Variants in SYT9 observed in about 807,000 individuals in gnomAD.
SYT9 encodes synaptotagmin-9.
In SYT9, 22 loss-of-function variants were observed where a neutral mutation model predicts 48.4. That is an observed-to-expected ratio of 0.45 (90% CI 0.32 to 0.65). SYT9 has a LOEUF of 0.65. Ranked by LOEUF, SYT9 falls within the 30% of genes least tolerant of loss-of-function variation. The pLI is 0.03. For missense variants in SYT9, 577 were observed against 622.0 expected (o/e 0.93, Z 0.77); for synonymous variants, 265 against 245.0 (o/e 1.08, Z -0.76).
chr11:7,252,458 A>C lies in SYT9; in HGVS notation c.145+127A>C. On this transcript the variant is annotated intron_variant, in intron 1 of 6. Coordinates refer to ENST00000318881, the MANE Select transcript of SYT9 (RefSeq NM_175733.4). The surrounding 1 kb of genome is among the most constrained non-coding windows in gnomAD (Gnocchi z 6.3). The stretch of plus-strand genomic sequence containing the variant: ...GGCGGGGGGCGGCCACCGAGCCAGG[A>C]GAGTGATCAAGAACCAGCGCACTGT... The C allele has an allele frequency of 9.5e-7, 1 of 1,050,324 alleles. No individual in the cohort carries two copies. Among genetic ancestry groups the C allele is most frequent in the East Asian group, 3.3e-5 (1 of 30,634 alleles). 65.1% of individuals were successfully genotyped at this position (1,050,324 alleles called of 1,614,324 possible).
At chr11:7,347,283 G>A (rs990115308) in intron 3 of SYT9, among the ~76,000 whole-genome samples, 2 of 151,836 alleles carry the variant, frequency 1.3e-5, no homozygotes, top group South Asian at 4.1e-4. Flanking sequence ...CCAGGCTGGA[G>A]TGCGATGGCA....
At chr11:7,453,443 T>C (rs1406789476) in intron 6 of SYT9, among the ~76,000 whole-genome samples, 3 of 152,272 alleles carry the variant, frequency 2.0e-5, no homozygotes, top group Non-Finnish European at 4.4e-5. Context: ...AGCCCCGCCA[T>C]ATGCCACATG....
intron 3 of SYT9, among the ~76,000 whole-genome samples, chr11:7,341,500 C>T (rs1315333664): frequency 6.6e-6 from 1 of 152,166 alleles, no homozygotes; most frequent in African/African-American, 2.4e-5. Flanking sequence ...CGTTCTCTTA[C>T]CTGCTGCCAT....
intron 3 of SYT9, among the ~76,000 whole-genome samples, chr11:7,334,322 T>TA (rs1374188171): frequency 1.3e-5 from 2 of 152,106 alleles, no homozygotes; most frequent in South Asian, 2.1e-4. Context: ...TTTACTTTTT[T>TA]AAAAAATCAC....
At chr11:7,315,627 T>C (rs1849229461) in intron 3 of SYT9, among the ~76,000 whole-genome samples, 1 of 152,192 alleles carries the variant, frequency 6.6e-6, no homozygotes, top group Non-Finnish European at 1.5e-5. Context: ...AGAGACTTTG[T>C]GGTGAGAGCA....
chr11:7,465,086 C>T (rs1275920916), intron 6 of SYT9, among the ~76,000 whole-genome samples: 1 of 151,208 alleles, frequency 6.6e-6, no homozygotes, highest in Non-Finnish European at 1.5e-5. Flanking sequence ...GACTCCATCT[C>T]AAAAAAAACG....
At chr11:7,261,815 G>T (rs1411827187) in intron 1 of SYT9, among the ~76,000 whole-genome samples, 3 of 152,090 alleles carry the variant, frequency 2.0e-5, no homozygotes, top group African/African-American at 2.4e-5. Flanking sequence ...AGTGAGGTTG[G>T]CAAAAAGAGA....
chr11:7,264,450 C>A (rs923299125), intron 1 of SYT9, among the ~76,000 whole-genome samples: 1 of 151,748 alleles, frequency 6.6e-6, no homozygotes, highest in African/African-American at 2.4e-5. Context: ...GAAAGAGTAG[C>A]AAAAGAGTTG....
In SYT9 at chr11:7,264,417, G is replaced by A. The variant is rs965331828; in HGVS notation, c.145+12086G>A. 3.3e-5 allele frequency among the ~76,000 whole-genome samples: 5 copies of A among 152,006 alleles called. No homozygotes were observed. The East Asian group carries it at 5.8e-4, about 18-fold the overall frequency. ...AGAGAGGGAAGTTTGTGTTTAAGCC[G>A]GGGTTGTGTGTATGAGAACAAGGAA... On this transcript the variant is annotated intron_variant, in intron 1 of 6. Transcript: ENST00000318881.
intron 3 of SYT9, among the ~76,000 whole-genome samples, chr11:7,385,744 G>T (rs780152367): frequency 2.0e-5 from 3 of 152,062 alleles, no homozygotes; most frequent in Non-Finnish European, 4.4e-5. Flanking sequence ...TATTTACCCT[G>T]CACAAATGCT....
At chr11:7,432,193 C>G (rs118153434) in intron 6 of SYT9, among the ~76,000 whole-genome samples, 44 of 152,234 alleles carry the variant, frequency 2.9e-4, no homozygotes, top group Non-Finnish European at 5.9e-4. Flanking sequence ...GGGGGCCCAC[C>G]CTTTGCACCA....
At chr11:7,245,225 T>C (rs1055492405) in intron 1 of SYT9, among the ~76,000 whole-genome samples, 4 of 152,202 alleles carry the variant, frequency 2.6e-5, no homozygotes, top group Non-Finnish European at 4.4e-5. Context: ...TTTCCTCATC[T>C]GTAAATGTAA....
intron 3 of SYT9, among the ~76,000 whole-genome samples, chr11:7,400,889 G>C (rs1589999335): frequency 6.6e-6 from 1 of 152,094 alleles, no homozygotes; most frequent in Admixed American, 6.6e-5. Context: ...TAATGTAGGT[G>C]GAGACTGAAA....
At chr11:7,381,546 T>G (rs543223644) in intron 3 of SYT9, among the ~76,000 whole-genome samples, 27 of 152,330 alleles carry the variant, frequency 1.8e-4, no homozygotes, top group Admixed American at 1.4e-3. Flanking sequence ...TTGCCTCTAG[T>G]ACTGAGAAAA....
chr11:7,457,840 A>G (rs1004994601), intron 6 of SYT9: 1 of 152,250 alleles, frequency 6.6e-6, no homozygotes, highest in Non-Finnish European at 1.5e-5. Flanking sequence ...CATTTCCTCC[A>G]GAAAGCACAG....
In SYT9 at chr11:7,467,641, C is replaced by T. The variant is rs10732509; in HGVS notation, c.*841C>T. On this transcript the variant is annotated 3_prime_UTR_variant, in exon 7 of 7. Transcript: ENST00000318881. ...TGGAATATCCTTTCCTAGGCACATT[C>T]GTCCACTAAGGGAACAGCCTCAGAA... 76,075 of 152,092 alleles carry T rather than the reference C, an allele frequency of 0.5. 19,302 individuals carry two copies. Among genetic ancestry groups the T allele is most frequent in the Admixed American group, 0.59 (8,964 of 15,298 alleles). 9.4% of individuals were successfully genotyped at this position (152,092 alleles called of 1,614,324 possible). A position where few individuals can be genotyped will look rare whatever the true frequency, so the allele number is the denominator to read the frequency against.
chr11:7,373,524 T>C (rs1054710200), intron 3 of SYT9, among the ~76,000 whole-genome samples: 1 of 152,128 alleles, frequency 6.6e-6, no homozygotes, highest in African/African-American at 2.4e-5. Context: ...AGCATAGGCT[T>C]TGTCTCTGTT....
intron 3 of SYT9, among the ~76,000 whole-genome samples, chr11:7,331,566 G>T (rs557791389): frequency 3.3e-5 from 5 of 151,952 alleles, no homozygotes; most frequent in South Asian, 4.2e-4. Flanking sequence ...ATATGTAATA[G>T]TACAAAAATT....
intron 6 of SYT9, among the ~76,000 whole-genome samples, chr11:7,446,345 AG>A (rs1274731543): frequency 1.3e-5 from 2 of 152,260 alleles, no homozygotes; most frequent in Middle Eastern, 3.2e-3. Context: ...AAGAGTGCCT[AG>A]TACCTAATGT....
Sources: gnomAD v4.1 joint callset for allele counts (sites outside exome capture counted in the v4.1 genomes callset) on GRCh38, gnomAD v4.1.1 for gene constraint, Gnocchi (gnomAD v3.1) non-coding constraint, MANE v1.5 for transcripts, NCBI Gene and HGNC (gene_info 2026-07-23, HGNC 2026-07-21) for gene names.